Variants in MALRD1 observed in about 807,000 individuals in gnomAD.
The protein encoded by MALRD1 is MAM and LDL receptor class A domain containing 1, also known as MAM and LDL-receptor class A domain-containing protein 1.
In MALRD1, 247 loss-of-function variants were observed where a neutral mutation model predicts 242.1. That is an observed-to-expected ratio of 1.02 (90% confidence interval 0.92 to 1.13). The LOEUF (loss-of-function observed/expected upper bound fraction) is 1.13. MALRD1 is among the 50% of genes most tolerant of loss of function. The pLI is 0.00. For missense variants in MALRD1, 2,989 were observed against 2,533.1 expected, an observed-to-expected ratio of 1.18 and a Z score of -3.86; for synonymous variants, 995 against 866.6, an observed-to-expected ratio of 1.15 and a Z score of -2.60.
chr10:19,718,641 C>T (rs1354057206), intron 38 of MALRD1, among the ~76,000 whole-genome samples: 1 of 152,126 alleles, frequency 6.6e-6, no homozygotes. Context: ...CAAACCATAT[C>T]ACAGCCCTGT....
intron 21 of MALRD1, among the ~76,000 whole-genome samples, chr10:19,316,664 T>C: frequency 6.6e-6 from 1 of 151,728 alleles, no homozygotes; most frequent in East Asian, 1.9e-4. Flanking sequence ...ACCAGGGTGA[T>C]GCTGTGGAAA....
At chr10:19,149,140 G>T (rs1023295245) in intron 11 of MALRD1, among the ~76,000 whole-genome samples, 4 of 143,208 alleles carry the variant, frequency 2.8e-5, no homozygotes, top group Non-Finnish European at 6.2e-5. Flanking sequence ...AGCTGAGACA[G>T]AGTCTCACTT....
intron 28 of MALRD1, among the ~76,000 whole-genome samples, chr10:19,421,811 G>A (rs543917311): frequency 6.6e-6 from 1 of 151,950 alleles, no homozygotes; most frequent in African/African-American, 2.4e-5. Context: ...TTTTCCCCTG[G>A]CCAGTAAAGG....
At position 19,209,296 on chromosome 10, in the gene MALRD1, TG is replaced by T. The variant is rs1392103075; in HGVS notation, c.2609del (p.Gly870GlufsTer30). The T allele has an allele frequency of 1.3e-6, 2 of 1,543,508 alleles. No homozygotes were observed. Among genetic ancestry groups the T allele is most frequent in the South Asian group, 2.4e-5 (2 of 82,696 alleles). On this transcript the variant is annotated frameshift_variant, in exon 18 of 40. Transcript: ENST00000454679. LOFTEE classifies it high-confidence loss of function. ...APELQCNFET[G>X]ICNWEQDAKD... is the part of the protein sequence containing the mutation. ...CTGAGCTGCAGTGTAACTTTGAAAC[TG>T]GAATCTGTAACTGGGAACAAGATGC...
At chr10:19,436,641 C>A (rs1216386410) in intron 28 of MALRD1, among the ~76,000 whole-genome samples, 1 of 152,124 alleles carries the variant, frequency 6.6e-6, no homozygotes, top group African/African-American at 2.4e-5. Flanking sequence ...ATCTCATTTC[C>A]CCATTTTCCT....
chr10:19,077,703 A>G (rs1835359704), intron 2 of MALRD1, among the ~76,000 whole-genome samples: 1 of 151,960 alleles, frequency 6.6e-6, no homozygotes, highest in Admixed American at 6.6e-5. Context: ...ATTGTAGAGT[A>G]ACTGATGACC....
At chr10:19,132,149 C>T (rs7090473) in intron 8 of MALRD1, among the ~76,000 whole-genome samples, 5,197 of 150,182 alleles carry the variant, frequency 0.035, 286 homozygotes, top group Admixed American at 0.17. Flanking sequence ...GGGAATCAGT[C>T]ACTGTGAAAT....
intron 13 of MALRD1, 69 bp from the exon 14 acceptor site, chr10:19,175,139 A>G: frequency 8.7e-7 from 1 of 1,144,718 alleles, no homozygotes. Context: ...CCTCTACACA[A>G]AGAAATATGA....
At chr10:19,585,798 C>T (rs1198280836) in intron 33 of MALRD1, among the ~76,000 whole-genome samples, 1 of 152,146 alleles carries the variant, frequency 6.6e-6, no homozygotes, top group Non-Finnish European at 1.5e-5. Flanking sequence ...GGAAGTTCTC[C>T]TGGATAATAT....
intron 36 of MALRD1, among the ~76,000 whole-genome samples, chr10:19,672,237 A>G (rs1179191612): frequency 6.6e-6 from 1 of 151,988 alleles, no homozygotes; most frequent in Non-Finnish European, 1.5e-5. Flanking sequence ...AACAACAAAG[A>G]TACATAAACA....
At chr10:19,067,561 G>T (rs1239000530) in intron 2 of MALRD1, among the ~76,000 whole-genome samples, 2 of 152,154 alleles carry the variant, frequency 1.3e-5, no homozygotes, top group East Asian at 3.9e-4. Flanking sequence ...TATGGTTTTT[G>T]CCCTGGAGGT....
intron 32 of MALRD1, among the ~76,000 whole-genome samples, chr10:19,537,755 G>T (rs540218182): frequency 6.6e-6 from 1 of 152,160 alleles, no homozygotes; most frequent in Non-Finnish European, 1.5e-5. Flanking sequence ...CTTTATAAGG[G>T]CACTAATCCC....
At chr10:19,544,921 C>G (rs1393290600) in intron 32 of MALRD1, among the ~76,000 whole-genome samples, 1 of 152,120 alleles carries the variant, frequency 6.6e-6, no homozygotes, top group African/African-American at 2.4e-5. Flanking sequence ...CCTATGCAGT[C>G]TACTATATTG....
At chr10:19,488,377 A>G (rs1248139512) in intron 29 of MALRD1, among the ~76,000 whole-genome samples, 4 of 152,286 alleles carry the variant, frequency 2.6e-5, no homozygotes, top group African/African-American at 4.8e-5. Context: ...ACAGCCAGCC[A>G]TGTATAAATA....
intron 23 of MALRD1, among the ~76,000 whole-genome samples, chr10:19,328,795 G>A (rs891385099): frequency 2.0e-5 from 3 of 152,152 alleles, no homozygotes; most frequent in African/African-American, 7.2e-5. Flanking sequence ...ACCTGAAGCA[G>A]TAAAGACTGA....
At chr10:19,221,034 G>A (rs1373535587) in intron 18 of MALRD1, among the ~76,000 whole-genome samples, 1 of 152,098 alleles carries the variant, frequency 6.6e-6, no homozygotes, top group East Asian at 1.9e-4. Flanking sequence ...GAATTCCACT[G>A]TGCTCTGATA....
At chr10:19,468,165 G>T in intron 29 of MALRD1, among the ~76,000 whole-genome samples, 1 of 152,072 alleles carries the variant, frequency 6.6e-6, no homozygotes, top group South Asian at 2.1e-4. Context: ...CATTTTAGTT[G>T]TTTATTCCTT....
chr10:19,437,917 A>T (rs983624835), intron 28 of MALRD1, among the ~76,000 whole-genome samples: 2 of 152,084 alleles, frequency 1.3e-5, no homozygotes, highest in African/African-American at 4.8e-5. Context: ...ACATCCTCAA[A>T]TTGCCCCATT....
intron 29 of MALRD1, among the ~76,000 whole-genome samples, chr10:19,474,544 A>G (rs1396095212): frequency 2.0e-5 from 3 of 152,076 alleles, no homozygotes; most frequent in Non-Finnish European, 4.4e-5. Flanking sequence ...CATCCTTTTC[A>G]TTCACCAACT....
Sources: gnomAD v4.1 joint callset for allele counts (sites outside exome capture counted in the v4.1 genomes callset) on GRCh38, gnomAD v4.1.1 for gene constraint, MANE v1.5 for transcripts, NCBI Gene and HGNC (gene_info 2026-07-23, HGNC 2026-07-21) for gene names.